Variants in RHOJ observed in about 807,000 individuals in gnomAD.
RHOJ encodes the protein rho-related GTP-binding protein RhoJ.
In RHOJ, 11 loss-of-function variants were observed where a neutral mutation model predicts 23.4. The ratio of observed to expected loss-of-function variants is 0.47; its 90% CI spans 0.30 to 0.78. The LOEUF is 0.78. Ranked by LOEUF, RHOJ falls within the 30% of genes least tolerant of loss-of-function variation. The pLI is 0.08. For synonymous variants in RHOJ, 102 were observed against 102.7 expected (o/e 0.99, Z 0.04); for missense variants, 254 against 273.4 (o/e 0.93, Z 0.50).
chr14:63,279,263 C>T (rs914014403), intron 2 of RHOJ, among the ~76,000 whole-genome samples: 29 of 152,210 alleles, frequency 1.9e-4, no homozygotes, highest in Middle Eastern at 6.8e-3. Flanking sequence ...TAGGTGTGAA[C>T]ATATAAGTTT....
chr14:63,236,231 G>T (rs529553256), intron 1 of RHOJ, among the ~76,000 whole-genome samples: 4 of 152,284 alleles, frequency 2.6e-5, no homozygotes, highest in African/African-American at 7.2e-5. Context: ...GGTCTCTTCA[G>T]TAAAGCCTGC....
intron 1 of RHOJ, among the ~76,000 whole-genome samples, chr14:63,260,253 G>A (rs1895249393): frequency 6.6e-6 from 1 of 152,184 alleles, no homozygotes; most frequent in Admixed American, 6.5e-5. Flanking sequence ...TATAGGTAGA[G>A]CATTAGTGGT....
chr14:63,244,908 A>G (rs966175686), intron 1 of RHOJ, among the ~76,000 whole-genome samples: 6 of 152,252 alleles, frequency 3.9e-5, no homozygotes, highest in Admixed American at 3.3e-4. Flanking sequence ...CCACTCACAC[A>G]TGGGTATTTG....
At chr14:63,264,669 A>C (rs946860329) in intron 1 of RHOJ, among the ~76,000 whole-genome samples, 2 of 152,214 alleles carry the variant, frequency 1.3e-5, no homozygotes, top group Admixed American at 6.5e-5. Flanking sequence ...TTTTCTCCAC[A>C]GTCTGACCAG....
intron 1 of RHOJ, among the ~76,000 whole-genome samples, chr14:63,209,202 C>T (rs1566601504): frequency 6.6e-6 from 1 of 152,162 alleles, no homozygotes; most frequent in Non-Finnish European, 1.5e-5. Flanking sequence ...TTCCCTACTT[C>T]CAATCTTGCC....
At chr14:63,219,003 C>G (rs534671155) in intron 1 of RHOJ, among the ~76,000 whole-genome samples, 1 of 152,176 alleles carries the variant, frequency 6.6e-6, no homozygotes, top group African/African-American at 2.4e-5. Context: ...ATAGATATAT[C>G]GCTTCAATGT....
rs890824438 is a variant in RHOJ, at chr14:63,204,948, G to A, written c.79G>A (p.Val27Met). 6.2e-7 allele frequency: 1 copy of A among 1,614,120 alleles called. No individual in the cohort carries two copies. The highest frequency in any genetic ancestry group is 8.5e-7 in the Non-Finnish European group (1 of 1,180,058). ...DEKKMLKCVVVGDGAVGKTCL... is the reference protein window; with the variant it reads ...DEKKMLKCVVMGDGAVGKTCL... The stretch of plus-strand genomic sequence containing the variant: ...GAAGAAGATGTTGAAGTGTGTGGTG[G>A]TGGGGGACGGTGCCGTGGGGAAAAC... The change falls in exon 1 of 5, where the codon GTG becomes ATG. Residue 27 changes from valine (V) to methionine (M), a missense_variant. Coordinates refer to ENST00000316754, the MANE Select transcript of RHOJ (RefSeq NM_020663.5).
intron 1 of RHOJ, among the ~76,000 whole-genome samples, chr14:63,214,889 A>G (rs559532789): frequency 2.1e-4 from 32 of 152,220 alleles, no homozygotes; most frequent in East Asian, 1.2e-3. Context: ...AATAATCAAC[A>G]TGACTCTAAG....
intron 1 of RHOJ, among the ~76,000 whole-genome samples, chr14:63,239,168 G>A (rs1894841514): frequency 6.6e-6 from 1 of 152,074 alleles, no homozygotes. Flanking sequence ...CTGGAGTTCA[G>A]TGGCACAATC....
chr14:63,248,412 C>T (rs1043066598), intron 1 of RHOJ, among the ~76,000 whole-genome samples: 2 of 152,088 alleles, frequency 1.3e-5, no homozygotes, highest in Non-Finnish European at 2.9e-5. Context: ...AGAATTTGCT[C>T]CCTCCCATCC....
At position 63,204,994 on chromosome 14, in the gene RHOJ, C is replaced by A. The variant is rs1894076598; in HGVS notation, c.125C>A (p.Ala42Asp). ...VGKTCLLMSYANDAFPEEYVP... is the reference protein window; with the variant it reads ...VGKTCLLMSYDNDAFPEEYVP... ...AAAACCTGCCTGCTGATGAGCTACG[C>A]CAACGACGCCTTCCCAGAGGAATAC... The change falls in exon 1 of 5, where the codon GCC becomes GAC. Residue 42 changes from alanine (A) to aspartate (D), a missense_variant. Transcript: ENST00000316754. 6.2e-7 allele frequency: 1 copy of A among 1,614,202 alleles called. No individual in the cohort carries two copies. Among genetic ancestry groups the A allele is most frequent in the Non-Finnish European group, 8.5e-7 (1 of 1,180,030 alleles).
chr14:63,242,512 G>A (rs1049993074), intron 1 of RHOJ, among the ~76,000 whole-genome samples: 4 of 152,140 alleles, frequency 2.6e-5, no homozygotes, highest in Non-Finnish European at 5.9e-5. Flanking sequence ...GAGACTGAGT[G>A]AGCTATGATT....
At chr14:63,230,521 C>A (rs1346957407) in intron 1 of RHOJ, among the ~76,000 whole-genome samples, 1 of 152,088 alleles carries the variant, frequency 6.6e-6, no homozygotes, top group Non-Finnish European at 1.5e-5. Context: ...CATTTATGAC[C>A]CCAGTACTCA....
chr14:63,252,977 C>A (rs556832777), intron 1 of RHOJ, among the ~76,000 whole-genome samples: 7 of 152,302 alleles, frequency 4.6e-5, no homozygotes, highest in African/African-American at 1.4e-4. Context: ...TTACAAAATT[C>A]TCTGTAACTA....
chr14:63,291,109 C>A lies in RHOJ; in HGVS notation c.*85C>A. 1.3e-6 allele frequency: 2 copies of A among 1,513,728 alleles called. No individual in the cohort carries two copies. The highest frequency in any genetic ancestry group is 1.8e-6 in the Non-Finnish European group (2 of 1,097,574). The allele number at this position is 1,513,728 out of a possible 1,614,324, so 93.8% of individuals were successfully genotyped here. A position where few individuals can be genotyped will look rare whatever the true frequency, so the allele number is the denominator to read the frequency against. ...GCCAAGCTCCAGCCAAAAAGGAGGGCACGACCAGAAAGGAACTCCCTTTGC... is the reference window on the plus strand; with the variant it reads ...GCCAAGCTCCAGCCAAAAAGGAGGGAACGACCAGAAAGGAACTCCCTTTGC... On this transcript the variant is annotated 3_prime_UTR_variant, in exon 5 of 5. Coordinates refer to ENST00000316754, the MANE Select transcript of RHOJ (RefSeq NM_020663.5).
In RHOJ at chr14:63,290,842, T is replaced by C. The variant is rs144074349; in HGVS notation, c.499-36T>C. On this transcript the variant is annotated intron_variant, in intron 4 of 4. Coordinates refer to ENST00000316754, the MANE Select transcript of RHOJ (RefSeq NM_020663.5). The stretch of plus-strand genomic sequence containing the variant: ...GATACCACTGTGCTTTTCTCTCTTT[T>C]TTATCTCTCATGCCTTTCTCTCTTT... 6.4e-5 allele frequency: 100 copies of C among 1,571,314 alleles called. 2 individuals carry two copies. The African/African-American group carries it at 1.2e-3, about 18-fold the overall frequency.
At chr14:63,247,475 C>T (rs1894996690) in intron 1 of RHOJ, among the ~76,000 whole-genome samples, 1 of 151,930 alleles carries the variant, frequency 6.6e-6, no homozygotes, top group Non-Finnish European at 1.5e-5. Flanking sequence ...AAAAAATATA[C>T]AGAAAAAATA....
At chr14:63,239,669 G>C (rs1204148542) in intron 1 of RHOJ, among the ~76,000 whole-genome samples, 1 of 152,188 alleles carries the variant, frequency 6.6e-6, no homozygotes, top group African/African-American at 2.4e-5. Context: ...TACTGCACCC[G>C]ACCAGAGCTT....
chr14:63,263,414 C>T (rs1895307895), intron 1 of RHOJ, among the ~76,000 whole-genome samples: 1 of 152,204 alleles, frequency 6.6e-6, no homozygotes, highest in South Asian at 2.1e-4. Context: ...AGCCATGACC[C>T]GTATAACCCT....
Sources: gnomAD v4.1 joint callset for allele counts (sites outside exome capture counted in the v4.1 genomes callset) on GRCh38, gnomAD v4.1.1 for gene constraint, MANE v1.5 for transcripts, NCBI Gene and HGNC (gene_info 2026-07-23, HGNC 2026-07-21) for gene names.